Variants in ZNF638 observed in about 807,000 individuals in gnomAD.
The protein encoded by ZNF638 is zinc finger protein 638, also known as CTCL tumor antigen se33-1.
Under a neutral mutation model 195.6 loss-of-function variants are expected in ZNF638, and 46 were observed. The ratio of observed to expected loss-of-function variants is 0.24; its 90% CI spans 0.19 to 0.30. The LOEUF (loss-of-function observed/expected upper bound fraction) is 0.30, where lower values mean the gene tolerates loss of function less well. Ranked by LOEUF, ZNF638 falls within the 10% of genes least tolerant of loss-of-function variation. ZNF638 has a pLI of 1.00. For synonymous variants in ZNF638, 845 were observed against 772.0 expected (o/e 1.09, Z -1.57); for missense variants, 2,440 against 2,325.3 (o/e 1.05, Z -1.01).
chr2:71,417,449 C>T (rs62146469), intron 20 of ZNF638, among the ~76,000 whole-genome samples: 10 of 138,054 alleles, frequency 7.2e-5, no homozygotes, highest in African/African-American at 1.9e-4. Flanking sequence ...GCGTCGCTCA[C>T]GCTGGGAGCT....
In ZNF638 at chr2:71,363,938, G is replaced by T; in HGVS notation, c.1419-16G>T. 1 of 1,588,090 alleles carries T rather than the reference G, an allele frequency of 6.3e-7. No homozygotes were observed. The highest frequency in any genetic ancestry group is 8.6e-7 in the Non-Finnish European group (1 of 1,167,980). On this transcript the variant is annotated splice_polypyrimidine_tract_variant and intron_variant, in intron 4 of 27. Coordinates refer to ENST00000264447, the MANE Select transcript of ZNF638 (RefSeq NM_014497.5). ...TAAATTGCTGATCACTTTCTTTTCC[G>T]CCCCCCTGCTTGTAGAAATGAGGGC...
intron 1 of ZNF638, among the ~76,000 whole-genome samples, chr2:71,334,796 C>A (rs951941230): frequency 6.6e-6 from 1 of 152,032 alleles, no homozygotes; most frequent in Non-Finnish European, 1.5e-5. Context: ...TGGCGGGCGC[C>A]TGTAGTCCCA....
In ZNF638 at chr2:71,349,822, G is replaced by C; in HGVS notation, c.868G>C (p.Gly290Arg). 1 of 1,614,198 alleles carries C rather than the reference G, an allele frequency of 6.2e-7. No individual in the cohort carries two copies. The highest frequency in any genetic ancestry group is 8.5e-7 in the Non-Finnish European group (1 of 1,180,034). Residue 290 changes from glycine (G) to arginine (R), a missense_variant, in exon 2 of 28, where the codon GGA becomes CGA. By Grantham distance (125) the Gly-to-Arg change is moderately radical. Around this residue, in one of 5 missense-constraint regions of ZNF638, gnomAD observed 305 missense variants for 283.6 expected, o/e 1.08. Transcript: ENST00000264447. ...NNRSFFSVES[G>R]TKMSGLHISG... is the part of the protein sequence containing the mutation. ...TCGGTCCTTTTTCTCAGTTGAGAGT[G>C]GAACCAAGATGTCAGGCTTACACAT...
intron 8 of ZNF638, among the ~76,000 whole-genome samples, chr2:71,378,754 G>C (rs2079481770): frequency 6.6e-6 from 1 of 152,188 alleles, no homozygotes; most frequent in African/African-American, 2.4e-5. Flanking sequence ...CATTGAAAAG[G>C]TGATATATGA....
chr2:71,357,046 G>GT (rs1445966305), intron 3 of ZNF638, among the ~76,000 whole-genome samples: 1 of 152,132 alleles, frequency 6.6e-6, no homozygotes, highest in Non-Finnish European at 1.5e-5. Flanking sequence ...ATTTCTAGGA[G>GT]TTTTTTTGTT....
At chr2:71,364,421 T>A (rs950826767) in intron 5 of ZNF638, among the ~76,000 whole-genome samples, 169 bp downstream of exon 5, 27 of 152,200 alleles carry the variant, frequency 1.8e-4, no homozygotes, top group African/African-American at 5.8e-4. Context: ...GGCAAAGAAA[T>A]GTGTGTGAAT....
chr2:71,402,898 A>G (rs2080035101), intron 16 of ZNF638, among the ~76,000 whole-genome samples: 1 of 152,126 alleles, frequency 6.6e-6, no homozygotes, highest in Non-Finnish European at 1.5e-5. Flanking sequence ...ACTCCGAGCC[A>G]ATTTGCTTTA....
intron 15 of ZNF638, 126 bp from the exon 16 acceptor site, chr2:71,401,830 A>G: frequency 1.2e-6 from 1 of 804,984 alleles, no homozygotes; most frequent in Non-Finnish European, 1.8e-6. Context: ...CAGCCTCTTG[A>G]GTTTATCAGA....
chr2:71,332,082 C>G (rs2078580222), intron 1 of ZNF638, among the ~76,000 whole-genome samples: 1 of 152,318 alleles, frequency 6.6e-6, no homozygotes, highest in East Asian at 1.9e-4. Flanking sequence ...TGCTGCCCTG[C>G]TCCGTCGTTT....
At chr2:71,409,373 G>A (rs374562939) in intron 20 of ZNF638, among the ~76,000 whole-genome samples, 1 of 152,092 alleles carries the variant, frequency 6.6e-6, no homozygotes, top group Admixed American at 6.6e-5. Context: ...TGTAGTATGT[G>A]TGACCTTTAT....
chr2:71,416,855 G>C (rs1333646382), intron 20 of ZNF638, among the ~76,000 whole-genome samples: 3 of 143,652 alleles, frequency 2.1e-5, no homozygotes, highest in Non-Finnish European at 4.5e-5. Context: ...CCAGCTGCGT[G>C]CTGGGAGAAC....
intron 1 of ZNF638, among the ~76,000 whole-genome samples, chr2:71,347,533 T>C (rs2078870800): frequency 6.6e-6 from 1 of 152,234 alleles, no homozygotes; most frequent in Non-Finnish European, 1.5e-5. Context: ...ATGATGTTGA[T>C]GTTTATAACA....
intron 22 of ZNF638, among the ~76,000 whole-genome samples, 192 bp downstream of exon 22, chr2:71,424,230 C>G (rs943533554): frequency 1.3e-5 from 2 of 150,034 alleles, no homozygotes; most frequent in Admixed American, 1.3e-4. Context: ...AACTCAAGTT[C>G]ATAATTTATT....
intron 10 of ZNF638, among the ~76,000 whole-genome samples, chr2:71,388,969 G>A (rs1465870105): frequency 6.6e-6 from 1 of 152,122 alleles, no homozygotes; most frequent in Non-Finnish European, 1.5e-5. Flanking sequence ...GAATAAGTGG[G>A]GAGAAATCTT....
intron 10 of ZNF638, among the ~76,000 whole-genome samples, chr2:71,391,341 ACTAG>A (rs937586260): frequency 6.6e-5 from 10 of 152,294 alleles, no homozygotes; most frequent in African/African-American, 2.4e-4. Context: ...CATTTACCAT[ACTAG>A]CTATCAGTAA....
Position 71,368,368 on chromosome 2 carries a change from C to A in ZNF638, c.1996-14C>A. The A allele has an allele frequency of 6.3e-7, 1 of 1,598,758 alleles. No individual in the cohort carries two copies. The highest frequency in any genetic ancestry group is 1.7e-4 in the Middle Eastern group (1 of 5,902). On this transcript the variant is annotated splice_polypyrimidine_tract_variant and intron_variant, in intron 6 of 27. Coordinates refer to ENST00000264447, the MANE Select transcript of ZNF638 (RefSeq NM_014497.5). ...ATTTGGTTTATTTTAAATTTTCTTTCACTCCAAAAATAGCTTCGGAAAGAA... is the reference window on the plus strand; with the variant it reads ...ATTTGGTTTATTTTAAATTTTCTTTAACTCCAAAAATAGCTTCGGAAAGAA...
At chr2:71,375,095 T>C (rs967973188) in intron 8 of ZNF638, 2 of 152,242 alleles carry the variant, frequency 1.3e-5, no homozygotes, top group Admixed American at 1.3e-4. Flanking sequence ...TTCTCATATG[T>C]TTTCTAGTTA....
intron 10 of ZNF638, among the ~76,000 whole-genome samples, chr2:71,383,713 G>A (rs1461428656): frequency 3.4e-5 from 5 of 148,840 alleles, no homozygotes; most frequent in Non-Finnish European, 5.9e-5. Context: ...CTGGGATTAC[G>A]GGTATGCGAC....
At chr2:71,387,783 G>T (rs2079674281) in intron 10 of ZNF638, among the ~76,000 whole-genome samples, 1 of 152,122 alleles carries the variant, frequency 6.6e-6, no homozygotes, top group African/African-American at 2.4e-5. Flanking sequence ...AATTTAGGTT[G>T]AGAAGTCCTT....
Sources: gnomAD v4.1 joint callset for allele counts (sites outside exome capture counted in the v4.1 genomes callset) on GRCh38, gnomAD v4.1.1 for gene constraint, gnomAD v4.1.1 regional missense constraint, MANE v1.5 for transcripts, NCBI Gene and HGNC (gene_info 2026-07-23, HGNC 2026-07-21) for gene names.